The following SLC4A8 variants were observed in gnomAD, a reference collection of about 807,000 sequenced individuals.
SLC4A8 encodes solute carrier family 4 member 8.
Under a neutral mutation model 125.0 loss-of-function variants are expected in SLC4A8, and 40 were observed. The ratio of observed to expected loss-of-function variants is 0.32; its 90% confidence interval spans 0.25 to 0.42. The LOEUF (loss-of-function observed/expected upper bound fraction) is 0.42. Ranked by LOEUF, SLC4A8 falls within the 10% of genes least tolerant of loss-of-function variation. The pLI is 1.00. For synonymous variants in SLC4A8, 456 were observed against 476.0 expected (o/e 0.96, Z 0.55); for missense variants, 863 against 1,355.1 (o/e 0.64, Z 5.70).
At chr12:51,488,300 T>G (rs981804116) in intron 17 of SLC4A8, among the ~76,000 whole-genome samples, 2 of 152,196 alleles carry the variant, frequency 1.3e-5, no homozygotes, top group Non-Finnish European at 2.9e-5. Flanking sequence ...TTTACTGCAA[T>G]AATTAGAAAA....
chr12:51,433,163 T>C (rs148960097), intron 1 of SLC4A8, among the ~76,000 whole-genome samples: 2 of 152,334 alleles, frequency 1.3e-5, no homozygotes, highest in East Asian at 3.9e-4. Context: ...GAGAATCTGG[T>C]CTGCTACTCA....
intron 2 of SLC4A8, among the ~76,000 whole-genome samples, chr12:51,445,702 C>T (rs542732307): frequency 6.6e-6 from 1 of 152,154 alleles, no homozygotes; most frequent in Non-Finnish European, 1.5e-5. Flanking sequence ...TTCTCATGGC[C>T]TCTCCTTCTT....
chr12:51,463,758 A>T (rs1323512566), intron 11 of SLC4A8, 44 bp downstream of exon 11: 19 of 1,300,526 alleles, frequency 1.5e-5, no homozygotes, highest in Non-Finnish European at 2.0e-5. Context: ...TATTGGGTAG[A>T]AGTTATGCAA....
At chr12:51,437,562 CCTTCTGCCATGATTGTGAG>C (rs1461331562) in intron 1 of SLC4A8, among the ~76,000 whole-genome samples, 15 of 152,272 alleles carry the variant, frequency 9.9e-5, no homozygotes, top group Non-Finnish European at 2.1e-4. Context: ...TTCCCTTTTG[CCTTCTGCCATGATTGTGAG>C]CTTCCTGACT....
intron 10 of SLC4A8, among the ~76,000 whole-genome samples, 161 bp from the exon 11 acceptor site, chr12:51,463,453 C>T (rs1031095548): frequency 3.6e-5 from 5 of 140,178 alleles, no homozygotes; most frequent in South Asian, 4.6e-4. Context: ...GTGTGTGTTT[C>T]GGTAAAGTCA....
intron 1 of SLC4A8, among the ~76,000 whole-genome samples, chr12:51,412,644 CT>C: frequency 6.6e-6 from 1 of 152,308 alleles, no homozygotes; most frequent in South Asian, 2.1e-4. Context: ...ATAATATGAA[CT>C]TTTTTAAGCT....
rs556381739 is a variant in SLC4A8, at chr12:51,408,744, G to A, written c.-112+17256G>A. On this transcript the variant is annotated intron_variant, in intron 1 of 24. Transcript: ENST00000358657. ...ACACAGAGTGATGTTGCATCTGGAG[G>A]GAAGGGTGGAGTGGAGTCCCTGTCA... Among the ~76,000 whole-genome samples, 21 of 152,290 alleles carry A rather than the reference G, an allele frequency of 1.4e-4. No individual in the cohort carries two copies. The South Asian group carries it at 1.5e-3, about 11-fold the overall frequency.
chr12:51,478,016 C>A (rs1217685153), intron 16 of SLC4A8, among the ~76,000 whole-genome samples: 1 of 151,942 alleles, frequency 6.6e-6, no homozygotes, highest in Non-Finnish European at 1.5e-5. Flanking sequence ...GTGGCTCACG[C>A]CTGTAATCCC....
At chr12:51,458,787 AGGG>A (rs1950232387) in intron 7 of SLC4A8, 137 bp downstream of exon 7, 2 of 619,882 alleles carry the variant, frequency 3.2e-6, no homozygotes, top group Non-Finnish European at 5.7e-6. Context: ...TCTGCATAAA[AGGG>A]GGCCCATCTC....
chr12:51,510,350 G>A lies in SLC4A8; in HGVS notation c.*2912G>A, dbSNP rs1419430878. The A allele has an allele frequency of 6.6e-6, 1 of 151,760 alleles. No individual in the cohort carries two copies. The highest frequency in any genetic ancestry group is 2.4e-5 in the African/African-American group (1 of 41,238). The allele number at this position is 151,760 out of a possible 1,614,324, so 9.4% of individuals were successfully genotyped here. ...GCTGAGGCAGAATGGCGTGAACGCGGGAGGCAGAGCTTGCAGTGAGCCGAG... is the reference window on the plus strand; with the variant it reads ...GCTGAGGCAGAATGGCGTGAACGCGAGAGGCAGAGCTTGCAGTGAGCCGAG... On this transcript the variant is annotated 3_prime_UTR_variant, in exon 25 of 25. Transcript: ENST00000453097.
chr12:51,490,468 C>T (rs149030690), intron 19 of SLC4A8, among the ~76,000 whole-genome samples: 31 of 147,724 alleles, frequency 2.1e-4, no homozygotes, highest in African/African-American at 6.5e-4. Flanking sequence ...GAGGCTGAGG[C>T]GGGAGAATGG....
chr12:51,438,192 G>C (rs1949479180), intron 1 of SLC4A8, among the ~76,000 whole-genome samples: 1 of 152,036 alleles, frequency 6.6e-6, no homozygotes, highest in African/African-American at 2.4e-5. Flanking sequence ...CTATATTATA[G>C]TCATCCTACT....
intron 5 of SLC4A8, among the ~76,000 whole-genome samples, chr12:51,457,035 CA>C (rs1950170060): frequency 6.6e-6 from 1 of 152,196 alleles, no homozygotes; most frequent in Non-Finnish European, 1.5e-5. Flanking sequence ...CCCAGCTGTG[CA>C]AACTGCTAGA....
chr12:51,502,695 AG>A (rs1937955849), intron 22 of SLC4A8, among the ~76,000 whole-genome samples: 1 of 152,084 alleles, frequency 6.6e-6, no homozygotes, highest in Admixed American at 6.5e-5. Flanking sequence ...AAAATCAAAA[AG>A]TAACAGACGT....
At chr12:51,420,151 T>A (rs1948755782), upstream of SLC4A8, 5 of 152,132 alleles carry the variant, frequency 3.3e-5, no homozygotes, top group Admixed American at 3.3e-4. Context: ...AAGCCCTAAT[T>A]AAGTCTTTCC....
At chr12:51,476,997 T>C (rs1279872016) in intron 16 of SLC4A8, among the ~76,000 whole-genome samples, 1 of 150,166 alleles carries the variant, frequency 6.7e-6, no homozygotes, top group Non-Finnish European at 1.5e-5. Context: ...AACCTCTGCC[T>C]CCCGGGTTCA....
chr12:51,440,793 A>C lies in SLC4A8; in HGVS notation c.130+4A>C, dbSNP rs1949570447. On this transcript the variant is annotated splice_donor_region_variant and intron_variant, in intron 2 of 24. Transcript: ENST00000453097. ...TATGAAAAAGAAGAGCTGGAAGGTA[A>C]GAACTGCCATGCTGTGTGATCAGGG... 1 of 1,605,130 alleles carries C rather than the reference A, an allele frequency of 6.2e-7. No individual in the cohort carries two copies. The highest frequency in any genetic ancestry group is 8.5e-7 in the Non-Finnish European group (1 of 1,176,934).
intron 2 of SLC4A8, chr12:51,441,169 T>A (rs1949581734): frequency 1.0e-6 from 1 of 986,426 alleles, no homozygotes; most frequent in South Asian, 4.7e-5. Flanking sequence ...ACAAATAGTT[T>A]TAAAAACTCA....
chr12:51,416,850 A>G (rs1200357988), intron 1 of SLC4A8, among the ~76,000 whole-genome samples: 1 of 152,124 alleles, frequency 6.6e-6, no homozygotes, highest in East Asian at 1.9e-4. Flanking sequence ...TCCTAAGAGT[A>G]AGAACTGCTC....
Sources: allele counts gnomAD v4.1 joint callset (sites outside exome capture counted in the v4.1 genomes callset), GRCh38; gene constraint gnomAD v4.1.1; transcripts MANE v1.5; gene names NCBI Gene and HGNC (gene_info 2026-07-23, HGNC 2026-07-21).